DIAPH2: variants seen among roughly 807,000 people sequenced by gnomAD.
DIAPH2 encodes the protein diaphanous related formin 2, also known as protein diaphanous homolog 2.
DIAPH2 carries 35 observed loss-of-function variants against 92.7 expected under a neutral mutation model. That is an observed-to-expected ratio of 0.38 (90% CI 0.29 to 0.50). The LOEUF is 0.50. Ranked by LOEUF, DIAPH2 falls within the 20% of genes least tolerant of loss-of-function variation. DIAPH2 has a pLI of 0.94. For missense variants in DIAPH2, 701 were observed against 819.5 expected, an observed-to-expected ratio of 0.86 and a Z score of 1.77; for synonymous variants, 301 against 280.4, an observed-to-expected ratio of 1.07 and a Z score of -0.73.
intron 4 of DIAPH2, among the ~76,000 whole-genome samples, chrX:96,842,742 C>T (rs921869720): frequency 6.3e-5 from 7 of 110,541 alleles, no homozygotes; most frequent in African/African-American, 2.3e-4. Flanking sequence ...CCAGGTATGA[C>T]TGAAGAGTGT....
chrX:97,422,286 GT>G (rs954545660), intron 25 of DIAPH2, among the ~76,000 whole-genome samples: 188 of 105,790 alleles, frequency 1.8e-3, no homozygotes, highest in Admixed American at 2.8e-3. Flanking sequence ...AGTATGATCT[GT>G]TTTTTTTTTA....
chrX:97,029,026 T>C (rs1025837754), intron 17 of DIAPH2, among the ~76,000 whole-genome samples: 40 of 112,291 alleles, frequency 3.6e-4, no homozygotes, highest in African/African-American at 1.3e-3. Context: ...GAGAATATTA[T>C]GGTTTTATTT....
chrX:97,439,503 G>A (rs966518130), intron 26 of DIAPH2, among the ~76,000 whole-genome samples: 2 of 110,103 alleles, frequency 1.8e-5, no homozygotes, highest in African/African-American at 6.6e-5. Flanking sequence ...CCAGGAGGCA[G>A]AGGTTGCAGT....
intron 17 of DIAPH2, among the ~76,000 whole-genome samples, chrX:97,022,987 T>G (rs1284976334): frequency 1.8e-5 from 2 of 111,566 alleles, no homozygotes; most frequent in Non-Finnish European, 3.8e-5. Context: ...AGTTCAAGGC[T>G]TCAGTGAGCT....
At chrX:96,894,230 G>A (rs2065327288) in intron 5 of DIAPH2, among the ~76,000 whole-genome samples, 1 of 108,240 alleles carries the variant, frequency 9.2e-6, no homozygotes, top group African/African-American at 3.4e-5. Context: ...GGAGGATATT[G>A]CCTGAGTACT....
At chrX:96,786,665 C>G (rs749425357) in intron 4 of DIAPH2, among the ~76,000 whole-genome samples, 10 of 111,350 alleles carry the variant, frequency 9.0e-5, no homozygotes, top group African/African-American at 3.3e-4. Flanking sequence ...CAAACTGAAA[C>G]ACCTCTCACT....
rs140160546 is a variant in DIAPH2 at position 97,046,225 on chromosome X, G to A, written c.2051-26716G>A. Among the ~76,000 whole-genome samples, 4 of 108,367 alleles carry A rather than the reference G, an allele frequency of 3.7e-5. No individual in the cohort carries two copies. In the East Asian group the frequency reaches 1.2e-3, roughly 31 times the overall value. The allele number at this position is 108,367 out of a possible 115,157, so 94.1% of individuals were successfully genotyped here. A position where few individuals can be genotyped will look rare whatever the true frequency, so the allele number is the denominator to read the frequency against. On this transcript the variant is annotated intron_variant, in intron 17 of 26. Transcript: ENST00000324765. ...TCTTTGAATGCTAATGAGAATAATA[G>A]TGTTGGAAAGAAAAAGTTGAAGTTG...
intron 22 of DIAPH2, among the ~76,000 whole-genome samples, chrX:97,235,835 A>C (rs1171651795): frequency 9.0e-5 from 10 of 110,824 alleles, no homozygotes; most frequent in Non-Finnish European, 1.9e-5. Flanking sequence ...CCAGATAACT[A>C]ATCAAGACTT....
At chrX:97,575,206 C>T (rs1483631406) in intron 26 of DIAPH2, among the ~76,000 whole-genome samples, 1 of 112,867 alleles carries the variant, frequency 8.9e-6, no homozygotes, top group Admixed American at 9.3e-5. Flanking sequence ...GCTACAAATC[C>T]AAGATCAATG....
At chrX:96,898,285 C>G (rs1294782642) in intron 5 of DIAPH2, among the ~76,000 whole-genome samples, 20 of 102,666 alleles carry the variant, frequency 1.9e-4, no homozygotes, top group Non-Finnish European at 4.0e-4. Context: ...GTTCTAGATC[C>G]CTGAGGAATC....
rs375630265 is a variant in DIAPH2, at chrX:97,191,338, G to GA, written c.2719+49554dup. On this transcript the variant is annotated intron_variant, in intron 22 of 26. Coordinates refer to ENST00000324765, the MANE Select transcript of DIAPH2 (RefSeq NM_006729.5). ...AGGGAAACTCTCTCAAAAAAAAAAA[G>GA]AAAAAAAAAAGAAAAATGTATTGCT... 9.8e-5 allele frequency among the ~76,000 whole-genome samples: 10 copies of GA among 101,952 alleles called. No homozygotes were observed. The South Asian group carries it at 1.7e-3, about 17-fold the overall frequency. 88.5% of individuals were successfully genotyped at this position (101,952 alleles called of 115,157 possible).
chrX:97,088,616 TATTA>T (rs1415884444), intron 19 of DIAPH2, among the ~76,000 whole-genome samples: 2 of 111,900 alleles, frequency 1.8e-5, no homozygotes, highest in Admixed American at 1.9e-4. Context: ...GAGCACTCTA[TATTA>T]AACTGACTTT....
At chrX:97,252,075 A>C (rs1052752870) in intron 23 of DIAPH2, among the ~76,000 whole-genome samples, 3 of 112,460 alleles carry the variant, frequency 2.7e-5, no homozygotes, top group African/African-American at 9.7e-5. Flanking sequence ...TTAGACTTTT[A>C]AATATGTGTT....
chrX:97,025,678 C>CA (rs1313813047), intron 17 of DIAPH2, among the ~76,000 whole-genome samples: 3 of 109,713 alleles, frequency 2.7e-5, no homozygotes, highest in Non-Finnish European at 3.8e-5. Flanking sequence ...AACAAACAAA[C>CA]AAAAAAACAA....
intron 5 of DIAPH2, among the ~76,000 whole-genome samples, chrX:96,907,029 A>T (rs945033062): frequency 8.9e-6 from 1 of 111,999 alleles, no homozygotes; most frequent in East Asian, 2.8e-4. Flanking sequence ...GTCTCCTGAC[A>T]TGTGACCACA....
intron 4 of DIAPH2, among the ~76,000 whole-genome samples, chrX:96,786,215 T>C (rs922874187): frequency 3.6e-5 from 4 of 111,742 alleles, no homozygotes; most frequent in African/African-American, 9.8e-5. Flanking sequence ...TATTATGTAG[T>C]ATTAAAGTTA....
At position 97,541,233 on chromosome X, in the gene DIAPH2, T is replaced by C. The variant is rs754047622; in HGVS notation, c.3242-58020T>C. Reference sequence around the variant, plus strand: ...AGGGTTAAGTAGAAGAGAAGAGACTTAATTACATTTAGCAAGGGTCCCAAT... The same window carrying C: ...AGGGTTAAGTAGAAGAGAAGAGACTCAATTACATTTAGCAAGGGTCCCAAT... On this transcript the variant is annotated intron_variant, in intron 26 of 26. Transcript: ENST00000324765. Among the ~76,000 whole-genome samples, 438 of 111,810 alleles carry C rather than the reference T, an allele frequency of 3.9e-3. 1 individual carries two copies. The highest frequency in any genetic ancestry group is 6.9e-3 in the Non-Finnish European group (369 of 53,135).
chrX:96,856,520 G>A (rs1189757939), intron 4 of DIAPH2, among the ~76,000 whole-genome samples: 1 of 107,053 alleles, frequency 9.3e-6, no homozygotes, highest in Non-Finnish European at 1.9e-5. Flanking sequence ...AGCAGCACAG[G>A]TCTAGATTAG....
At chrX:97,598,372 G>C (rs1569432340) in intron 26 of DIAPH2, among the ~76,000 whole-genome samples, 2 of 112,066 alleles carry the variant, frequency 1.8e-5, no homozygotes, top group Non-Finnish European at 3.8e-5. Flanking sequence ...CGAGTGTAAA[G>C]TGTTAGCATT....
Sources: allele counts gnomAD v4.1 joint callset (sites outside exome capture counted in the v4.1 genomes callset), GRCh38; gene constraint gnomAD v4.1.1; transcripts MANE v1.5; gene names NCBI Gene and HGNC (gene_info 2026-07-23, HGNC 2026-07-21).